Variants in TEX15 observed in about 807,000 individuals in gnomAD.
TEX15 encodes the protein testis-expressed protein 15.
TEX15 carries 171 observed loss-of-function variants against 237.3 expected under a neutral mutation model. That is an observed-to-expected ratio of 0.72 (90% confidence interval 0.64 to 0.82). TEX15 has a LOEUF of 0.82. TEX15 is among the 40% of genes least tolerant of loss of function. The pLI is 0.00. For missense variants in TEX15, 3,750 were observed against 3,646.5 expected (o/e 1.03, Z -0.73); for synonymous variants, 1,338 against 1,269.8 (o/e 1.05, Z -1.14).
chr8:30,848,325 G>A lies in TEX15; in HGVS notation c.1842C>T (p.Tyr614=). 1 of 1,613,946 alleles carries A rather than the reference G, an allele frequency of 6.2e-7. No homozygotes were observed. The highest frequency in any genetic ancestry group is 1.1e-5 in the South Asian group (1 of 91,048). ...TTTTCATCTTTCCAGTATTTTGAAGGTATTCATCAATGCTTACTTTCTTTT... is the reference window on the plus strand; with the variant it reads ...TTTTCATCTTTCCAGTATTTTGAAGATATTCATCAATGCTTACTTTCTTTT... ...PLKKKVSIDE[Y]LQNTGKMKNF... is the part of the protein sequence containing the mutation. Residue 614 remains tyrosine (Y), a synonymous_variant, in exon 8 of 11, where the codon TAC becomes TAT. Coordinates refer to ENST00000643185, the MANE Select transcript of TEX15 (RefSeq NM_001350162.2).
chr8:30,908,662 T>C (rs186715230), intron 1 of TEX15, among the ~76,000 whole-genome samples: 256 of 152,312 alleles, frequency 1.7e-3, no homozygotes, highest in African/African-American at 5.8e-3. Flanking sequence ...TAAAAACCTA[T>C]GTTTGAATCC....
At chr8:30,885,834 T>C (rs944670953) in intron 3 of TEX15, among the ~76,000 whole-genome samples, 3 of 152,258 alleles carry the variant, frequency 2.0e-5, no homozygotes, top group Non-Finnish European at 4.4e-5. Context: ...AGTGGATTTC[T>C]CTATTTCTCC....
intron 3 of TEX15, among the ~76,000 whole-genome samples, chr8:30,881,926 C>G (rs1808535670): frequency 6.6e-6 from 1 of 151,932 alleles, no homozygotes; most frequent in African/African-American, 2.4e-5. Flanking sequence ...CCCAGCCTTT[C>G]TTTTTCTGGT....
intron 4 of TEX15, among the ~76,000 whole-genome samples, chr8:30,873,774 A>G (rs2128773027): frequency 6.6e-6 from 1 of 152,304 alleles, no homozygotes. Context: ...ACACAAATCA[A>G]TATATTGTAG....
intron 8 of TEX15, among the ~76,000 whole-genome samples, chr8:30,841,066 T>C (rs959193892): frequency 6.6e-6 from 1 of 152,126 alleles, no homozygotes; most frequent in African/African-American, 2.4e-5. Flanking sequence ...TACAAGTGTA[T>C]GTCACCATGT....
rs1180829960 is a variant in TEX15 at position 30,833,062 on chromosome 8, T to C, written c.*224A>G. 2 of 402,622 alleles carry C rather than the reference T, an allele frequency of 5.0e-6. No homozygotes were observed. Among genetic ancestry groups the C allele is most frequent in the Non-Finnish European group, 8.9e-6 (2 of 224,194 alleles). The allele number at this position is 402,622 out of a possible 1,614,324, so 24.9% of individuals were successfully genotyped here. On this transcript the variant is annotated 3_prime_UTR_variant, in exon 11 of 11. Transcript: ENST00000643185. ...TTGCTTAACTTTGATCATATTACCC[T>C]CCCCTTATAATTGCATGGAAATAAT...
intron 2 of TEX15, among the ~76,000 whole-genome samples, chr8:30,897,135 A>G (rs1377000291): frequency 2.0e-5 from 3 of 152,250 alleles, no homozygotes; most frequent in Non-Finnish European, 4.4e-5. Context: ...ATTCTGAACA[A>G]GAAGTCGGCA....
chr8:30,837,575 T>A lies in TEX15; in HGVS notation c.8709A>T (p.Lys2903Asn). Residue 2903 changes from lysine (K) to asparagine (N), a missense_variant, in exon 10 of 11, where the codon AAA becomes AAT. Transcript: ENST00000643185. ...VLSKPIFCFV[K>N]DVHPDLEMND... ...TCATTTCTAGATCAGGATGGACATCTTTCACAAAACAGAAAATTGGCTTTG... is the reference window on the plus strand; with the variant it reads ...TCATTTCTAGATCAGGATGGACATCATTCACAAAACAGAAAATTGGCTTTG... 1 of 1,614,110 alleles carries A rather than the reference T, an allele frequency of 6.2e-7. No individual in the cohort carries two copies. Among genetic ancestry groups the A allele is most frequent in the South Asian group, 1.1e-5 (1 of 91,082 alleles).
At chr8:30,840,751 C>A (rs1254621948) in intron 8 of TEX15, among the ~76,000 whole-genome samples, 1 of 152,080 alleles carries the variant, frequency 6.6e-6, no homozygotes, top group African/African-American at 2.4e-5. Context: ...TCTGTTAAAT[C>A]ATTAGAAAAA....
At chr8:30,899,398 T>C (rs1445173518) in intron 1 of TEX15, among the ~76,000 whole-genome samples, 15 of 152,140 alleles carry the variant, frequency 9.9e-5, no homozygotes, top group Non-Finnish European at 8.8e-5. Flanking sequence ...CCAGGCCTGA[T>C]GCTTAAGTAT....
At position 30,843,792 on chromosome 8, in the gene TEX15, A is replaced by G; in HGVS notation, c.6375T>C (p.Asn2125=). 6.2e-7 allele frequency: 1 copy of G among 1,613,560 alleles called. No individual in the cohort carries two copies. Reference sequence around the variant, plus strand: ...ATCTTCCTTGGAAACCAGGATAGAAATTAGACTGCTGTTGAAATCCACGTG... The same window carrying G: ...ATCTTCCTTGGAAACCAGGATAGAAGTTAGACTGCTGTTGAAATCCACGTG... ...GKPRGFQQQS[N]FYPGFQGRLK... The change falls in exon 8 of 11, where the codon AAT becomes AAC. Residue 2125 remains asparagine (N), a synonymous_variant. Coordinates refer to ENST00000643185, the MANE Select transcript of TEX15 (RefSeq NM_001350162.2).
chr8:30,841,187 C>G lies in TEX15; in HGVS notation c.8163+817G>C, dbSNP rs927639440. Reference sequence around the variant, plus strand: ...TGCCCACCTTGGCCTCCCAAAGTGCCGGGATTACAGGCGTGAGCTATCGCA... The same window carrying G: ...TGCCCACCTTGGCCTCCCAAAGTGCGGGGATTACAGGCGTGAGCTATCGCA... On this transcript the variant is annotated intron_variant, in intron 8 of 10. Transcript: ENST00000643185. 2.0e-5 allele frequency among the ~76,000 whole-genome samples: 3 copies of G among 152,070 alleles called. No homozygotes were observed. In the South Asian group the frequency reaches 6.2e-4, roughly 32 times the overall value.
At chr8:30,905,895 C>A (rs1012912159) in intron 1 of TEX15, among the ~76,000 whole-genome samples, 4 of 151,718 alleles carry the variant, frequency 2.6e-5, no homozygotes, top group Non-Finnish European at 5.9e-5. Context: ...GAGAGTGACA[C>A]CCTGTCTCAA....
intron 7 of TEX15, among the ~76,000 whole-genome samples, chr8:30,850,410 C>G (rs1441395548): frequency 6.6e-6 from 1 of 152,122 alleles, no homozygotes; most frequent in Non-Finnish European, 1.5e-5. Flanking sequence ...AAATACCTTT[C>G]CTAAAACAGG....
At chr8:30,895,474 T>C (rs1407528626) in intron 2 of TEX15, among the ~76,000 whole-genome samples, 1 of 151,882 alleles carries the variant, frequency 6.6e-6, no homozygotes, top group Non-Finnish European at 1.5e-5. Flanking sequence ...AATCCATCTA[T>C]TAATAATCCT....
intron 3 of TEX15, among the ~76,000 whole-genome samples, chr8:30,879,937 TTAA>T (rs772515510): frequency 0.023 from 3,336 of 146,332 alleles, 123 homozygotes; most frequent in African/African-American, 0.083. Context: ...CTTTTTTTTT[TTAA>T]AAAAAAAAAT....
chr8:30,858,797 GCTTTGAAAGGACAC>G lies in TEX15; in HGVS notation c.707_720del (p.Ser236ThrfsTer4). Reference sequence around the variant, plus strand: ...AGACATTGCCTAGGTTTATCTACAGGCTTTGAAAGGACACTGTATTCATAGAAGTACACCTGAAA... The same window carrying G: ...AGACATTGCCTAGGTTTATCTACAGGTGTATTCATAGAAGTACACCTGAAA... On this transcript the variant is annotated frameshift_variant, in exon 7 of 11. Coordinates refer to ENST00000643185, the MANE Select transcript of TEX15 (RefSeq NM_001350162.2). LOFTEE classifies it high-confidence loss of function. 2 of 1,534,972 alleles carry G rather than the reference GCTTTGAAAGGACAC, an allele frequency of 1.3e-6. No individual in the cohort carries two copies. Among genetic ancestry groups the G allele is most frequent in the Non-Finnish European group, 1.7e-6 (2 of 1,146,440 alleles).
chr8:30,837,161 G>A lies in TEX15; in HGVS notation c.9123C>T (p.Tyr3041=), dbSNP rs181081202. 4.3e-6 allele frequency: 7 copies of A among 1,614,038 alleles called. No homozygotes were observed. The East Asian group carries it at 1.3e-4, about 31-fold the overall frequency. ...TGTACTGATAAACACACCAAGCAGA[G>A]TATGGATATGAAGTTCCAAATAAAT... The part of the protein sequence containing the change: ...SEHLFGTSYP[Y]SAWCVYQYSN... The change falls in exon 10 of 11, where the codon TAC becomes TAT. Residue 3041 remains tyrosine, a synonymous_variant. Transcript: ENST00000643185.
chr8:30,845,011 T>C lies in TEX15; in HGVS notation c.5156A>G (p.Gln1719Arg). 1 of 1,613,612 alleles carries C rather than the reference T, an allele frequency of 6.2e-7. No homozygotes were observed. The highest frequency in any genetic ancestry group is 8.5e-7 in the Non-Finnish European group (1 of 1,179,546). The change falls in exon 8 of 11, where the codon CAG becomes CGG. Residue 1719 changes from glutamine (Q) to arginine (R), a missense_variant. Transcript: ENST00000643185. ...ATCTGTCACTGCAGCGGCTGATAACTGAGGAATACTGTACTTTTTACTTGC... is the reference window on the plus strand; with the variant it reads ...ATCTGTCACTGCAGCGGCTGATAACCGAGGAATACTGTACTTTTTACTTGC... ...LIASKKYSIP[Q>R]LSAAAVTDSE...
Sources: gnomAD v4.1 joint callset for allele counts (sites outside exome capture counted in the v4.1 genomes callset) on GRCh38, gnomAD v4.1.1 for gene constraint, MANE v1.5 for transcripts, NCBI Gene and HGNC (gene_info 2026-07-23, HGNC 2026-07-21) for gene names.